SEMA3E: variants seen among roughly 807,000 people sequenced by gnomAD.
SEMA3E encodes the protein semaphorin 3E.
Under a neutral mutation model 93.6 loss-of-function variants are expected in SEMA3E, and 49 were observed. That is an observed-to-expected ratio of 0.52 (90% CI 0.42 to 0.66). The LOEUF (loss-of-function observed/expected upper bound fraction) is 0.66. SEMA3E is among the 30% of genes least tolerant of loss of function. SEMA3E has a pLI of 0.00. For synonymous variants in SEMA3E, 363 were observed against 330.7 expected, an observed-to-expected ratio of 1.10 and a Z score of -1.06; for missense variants, 906 against 964.8, an observed-to-expected ratio of 0.94 and a Z score of 0.81.
intron 4 of SEMA3E, among the ~76,000 whole-genome samples, chr7:83,466,018 C>T (rs1789747603): frequency 6.6e-6 from 1 of 152,138 alleles, no homozygotes; most frequent in African/African-American, 2.4e-5. Context: ...CTTCCCTCCT[C>T]CTGCATTCCC....
rs1794612751 is a variant in SEMA3E, at chr7:83,363,301, A to G, written c.*4285T>C. ...GTTGAGCCAAATAGAGATTGTACAT[A>G]ATGGTACATAGCGCGTAGTGGCAGA... is the stretch of plus-strand genomic sequence containing the variant. On this transcript the variant is annotated 3_prime_UTR_variant, in exon 17 of 17. Coordinates refer to ENST00000643230, the MANE Select transcript of SEMA3E (RefSeq NM_012431.3). 1 of 152,198 alleles carries G rather than the reference A, an allele frequency of 6.6e-6. No individual in the cohort carries two copies. The highest frequency in any genetic ancestry group is 2.4e-5 in the African/African-American group (1 of 41,444). The allele number at this position is 152,198 out of a possible 1,614,324, so 9.4% of individuals were successfully genotyped here.
In SEMA3E at chr7:83,488,999, G is replaced by C. The variant is rs143556765; in HGVS notation, c.276+1115C>G. 1.6e-4 allele frequency among the ~76,000 whole-genome samples: 25 copies of C among 152,106 alleles called. No homozygotes were observed. In the East Asian group the frequency reaches 4.8e-3, roughly 29 times the overall value. On this transcript the variant is annotated intron_variant, in intron 2 of 16. Coordinates refer to ENST00000643230, the MANE Select transcript of SEMA3E (RefSeq NM_012431.3). Reference sequence around the variant, plus strand: ...GTAAAGGAAAGAAGGAAGGAAACAAGGGCAGAAGAAAGGGAGGGAAAAGTG... The same window carrying C: ...GTAAAGGAAAGAAGGAAGGAAACAACGGCAGAAGAAAGGGAGGGAAAAGTG...
At chr7:83,378,267 CAG>C (rs776760938) in intron 16 of SEMA3E, among the ~76,000 whole-genome samples, 11 of 151,812 alleles carry the variant, frequency 7.2e-5, no homozygotes, top group Non-Finnish European at 1.5e-4. Flanking sequence ...TCTCCTAATT[CAG>C]AGAGTGAAGA....
At chr7:83,588,766 G>T (rs1792687007) in intron 1 of SEMA3E, among the ~76,000 whole-genome samples, 1 of 152,118 alleles carries the variant, frequency 6.6e-6, no homozygotes, top group Non-Finnish European at 1.5e-5. Flanking sequence ...AAAAGTAAAT[G>T]AGTCATAACA....
At chr7:83,376,970 T>C (rs936595094) in intron 16 of SEMA3E, among the ~76,000 whole-genome samples, 1 of 152,002 alleles carries the variant, frequency 6.6e-6, no homozygotes, top group Non-Finnish European at 1.5e-5. Context: ...GCAGTTTTCT[T>C]GTCTGCCTTA....
At chr7:83,452,919 A>G (rs999157884) in intron 4 of SEMA3E, among the ~76,000 whole-genome samples, 3 of 152,194 alleles carry the variant, frequency 2.0e-5, no homozygotes, top group African/African-American at 7.2e-5. Context: ...TGATTTCAGT[A>G]AAGAAAGCAG....
intron 1 of SEMA3E, among the ~76,000 whole-genome samples, chr7:83,625,241 C>T (rs541399283): frequency 1.8e-4 from 28 of 152,118 alleles, no homozygotes; most frequent in African/African-American, 6.5e-4. Context: ...TTTAAAATAG[C>T]TTTTTCTAAT....
intron 5 of SEMA3E, among the ~76,000 whole-genome samples, chr7:83,409,434 C>T (rs1205298192): frequency 6.6e-6 from 1 of 152,120 alleles, no homozygotes; most frequent in Non-Finnish European, 1.5e-5. Flanking sequence ...CAAATGATAA[C>T]AGCAGATTGC....
intron 1 of SEMA3E, among the ~76,000 whole-genome samples, chr7:83,551,292 T>C (rs1791759526): frequency 6.6e-6 from 1 of 152,102 alleles, no homozygotes; most frequent in Admixed American, 6.6e-5. Flanking sequence ...ATAATCACCA[T>C]GTTGGAAAAA....
intron 1 of SEMA3E, among the ~76,000 whole-genome samples, chr7:83,567,487 G>A (rs921702444): frequency 6.6e-6 from 1 of 152,054 alleles, no homozygotes; most frequent in East Asian, 1.9e-4. Flanking sequence ...CATTCCACAG[G>A]ATAGGCCATA....
At chr7:83,435,576 A>T (rs1217614738) in intron 4 of SEMA3E, among the ~76,000 whole-genome samples, 1 of 152,184 alleles carries the variant, frequency 6.6e-6, no homozygotes, top group Admixed American at 6.5e-5. Context: ...AGCGTGGGAG[A>T]CAGAGCGAAC....
At chr7:83,504,818 T>A (rs1250277271) in intron 1 of SEMA3E, among the ~76,000 whole-genome samples, 1 of 152,176 alleles carries the variant, frequency 6.6e-6, no homozygotes, top group Non-Finnish European at 1.5e-5. Flanking sequence ...GAAAGGCTCT[T>A]ATGTGTTAGG....
intron 1 of SEMA3E, among the ~76,000 whole-genome samples, chr7:83,530,803 G>A (rs865900370): frequency 1.3e-5 from 2 of 152,000 alleles, no homozygotes; most frequent in African/African-American, 2.4e-5. Context: ...ACTTGAACCC[G>A]GGAGGCGGAG....
chr7:83,627,560 C>T (rs1793695413), intron 1 of SEMA3E, among the ~76,000 whole-genome samples: 1 of 149,956 alleles, frequency 6.7e-6, no homozygotes, highest in Non-Finnish European at 1.5e-5. Context: ...ATGTAATGCC[C>T]TTCTTTGTCT....
At position 83,372,216 on chromosome 7, in the gene SEMA3E, T is replaced by C; in HGVS notation, c.1876-4178A>G. ...TAATTTGAATAAGAAGGAGCAAACA[T>C]GGTTTCAGGAGCACTTAGTAACTGA... On this transcript the variant is annotated intron_variant, in intron 16 of 16. Coordinates refer to ENST00000643230, the MANE Select transcript of SEMA3E (RefSeq NM_012431.3). The C allele has an allele frequency of 7.5e-6, 3 of 397,980 alleles. No individual in the cohort carries two copies. In the East Asian group the frequency reaches 1.1e-4, roughly 14 times the overall value. The allele number at this position is 397,980 out of a possible 1,614,324, so 24.7% of individuals were successfully genotyped here.
At chr7:83,501,940 T>A (rs1406767363) in intron 1 of SEMA3E, among the ~76,000 whole-genome samples, 2 of 152,182 alleles carry the variant, frequency 1.3e-5, no homozygotes, top group Non-Finnish European at 2.9e-5. Flanking sequence ...AATTTTTGTC[T>A]TCTATCTTGA....
chr7:83,451,782 A>T (rs1584257144), intron 4 of SEMA3E, among the ~76,000 whole-genome samples: 1 of 152,238 alleles, frequency 6.6e-6, no homozygotes, highest in Non-Finnish European at 1.5e-5. Context: ...CCGGTTTTTA[A>T]AAGTATGCTC....
At chr7:83,533,078 T>G (rs1791336483) in intron 1 of SEMA3E, among the ~76,000 whole-genome samples, 1 of 103,326 alleles carries the variant, frequency 9.7e-6, no homozygotes, top group Admixed American at 9.7e-5. Context: ...AGTCACTCTG[T>G]AACCCTTCTT....
chr7:83,389,159 A>G (rs989582954), intron 14 of SEMA3E, among the ~76,000 whole-genome samples: 5 of 152,106 alleles, frequency 3.3e-5, no homozygotes, highest in African/African-American at 9.7e-5. Context: ...GCAAAAGTAG[A>G]AAGTTGTATG....
Sources: allele counts gnomAD v4.1 joint callset (sites outside exome capture counted in the v4.1 genomes callset), GRCh38; gene constraint gnomAD v4.1.1; transcripts MANE v1.5; gene names NCBI Gene and HGNC (gene_info 2026-07-23, HGNC 2026-07-21).